Variants in CCN6 observed in about 807,000 individuals in gnomAD.
CCN6 encodes the protein CCN family member 6.
In CCN6, 31 loss-of-function variants were observed where a neutral mutation model predicts 37.4. The ratio of observed to expected loss-of-function variants is 0.83; its 90% CI spans 0.62 to 1.12. CCN6 has a LOEUF of 1.12. Among genes scored for constraint, CCN6 ranks in the 50% most tolerant of loss-of-function variants. CCN6 has a pLI of 0.00. For missense variants in CCN6, 369 were observed against 413.8 expected (o/e 0.89, Z 0.94); for synonymous variants, 137 against 142.1 (o/e 0.96, Z 0.26).
upstream of CCN6, among the ~76,000 whole-genome samples, chr6:112,053,762 G>A (rs587610090): frequency 1.3e-5 from 2 of 151,924 alleles, no homozygotes; most frequent in Admixed American, 1.3e-4. Flanking sequence ...GGCACTGTGG[G>A]TGCCTCCGAG....
rs1776624228 is a variant in CCN6 at position 112,064,684 on chromosome 6, G to A, written c.347-71G>A. 3.7e-6 allele frequency: 6 copies of A among 1,608,396 alleles called. No individual in the cohort carries two copies. In the East Asian group the frequency reaches 1.3e-4, roughly 36 times the overall value. The stretch of plus-strand genomic sequence containing the variant: ...CAGGAGATGATCCGTTTCTTCTTAG[G>A]TTTATAATTGGAGGTCTAGACTATC... On this transcript the variant is annotated intron_variant, in intron 2 of 4. Coordinates refer to ENST00000368666, the MANE Select transcript of CCN6 (RefSeq NM_198239.2).
At chr6:112,054,776 T>C (rs1776297254) in intron 1 of CCN6, 2 of 244,656 alleles carry the variant, frequency 8.2e-6, no homozygotes, top group Non-Finnish European at 1.6e-5. Context: ...TCCATTGCTG[T>C]TTGCAAAATG....
At chr6:112,068,474 G>A in intron 4 of CCN6, 76 bp downstream of exon 4, 1 of 1,316,274 alleles carries the variant, frequency 7.6e-7, no homozygotes, top group Non-Finnish European at 1.1e-6. Flanking sequence ...GTTTTGGAGG[G>A]TGGGATGGTG....
intron 4 of CCN6, among the ~76,000 whole-genome samples, chr6:112,069,023 A>C (rs1776788076): frequency 6.6e-6 from 1 of 152,202 alleles, no homozygotes; most frequent in South Asian, 2.1e-4. Context: ...GAATTTGCTA[A>C]GTCTTAGATA....
intron 1 of CCN6, 73 bp from the exon 2 acceptor site, chr6:112,060,918 G>A (rs1776494648): frequency 1.3e-6 from 2 of 1,577,166 alleles, no homozygotes; most frequent in East Asian, 2.2e-5. Flanking sequence ...CCTGTTTGGG[G>A]GAAATCTTCT....
At chr6:112,059,356 T>C (rs1016524123) in intron 1 of CCN6, among the ~76,000 whole-genome samples, 3 of 152,198 alleles carry the variant, frequency 2.0e-5, no homozygotes, top group Non-Finnish European at 4.4e-5. Context: ...AGGGCTAAAA[T>C]CAAGCGTTGG....
Position 112,054,203 on chromosome 6 carries a change from A to G in CCN6, c.-155A>G, listed in dbSNP as rs1776276014. The G allele has an allele frequency of 3.0e-6, 3 of 989,958 alleles. No homozygotes were observed. The highest frequency in any genetic ancestry group is 4.9e-6 in the Non-Finnish European group (3 of 610,224). 61.3% of individuals were successfully genotyped at this position (989,958 alleles called of 1,614,324 possible). On this transcript the variant is annotated 5_prime_UTR_variant, in exon 1 of 5. Transcript: ENST00000368666. ...AACGGATCCTTAAAAATGAAAGTGC[A>G]GGCTGAAAGTTGGTAGTGTGGGAGG...
rs115903198 is a variant in CCN6 at position 112,060,326 on chromosome 6, G to A, written c.49-665G>A. Among the ~76,000 whole-genome samples, 883 of 152,306 alleles carry A rather than the reference G, an allele frequency of 5.8e-3. 11 individuals are homozygous for A. The highest frequency in any genetic ancestry group is 0.02 in the African/African-American group (836 of 41,566). On this transcript the variant is annotated intron_variant, in intron 1 of 4. Coordinates refer to ENST00000368666, the MANE Select transcript of CCN6 (RefSeq NM_198239.2). ...TGTAATCATCCAAGTGAACAATGAT[G>A]ACTTGGATTATGATGGTAACAGAGA...
At chr6:112,058,420 T>C (rs1776411942) in intron 1 of CCN6, among the ~76,000 whole-genome samples, 1 of 152,214 alleles carries the variant, frequency 6.6e-6, no homozygotes, top group African/African-American at 2.4e-5. Flanking sequence ...CATTAAGAGT[T>C]ATTTACATAA....
chr6:112,063,009 C>A (rs370983754), intron 2 of CCN6, among the ~76,000 whole-genome samples: 1 of 151,978 alleles, frequency 6.6e-6, no homozygotes, highest in Admixed American at 6.6e-5. Context: ...ATAAGAATAA[C>A]GTTTTTATGA....
intron 3 of CCN6, chr6:112,067,181 T>A (rs973573750): frequency 5.7e-6 from 3 of 525,210 alleles, no homozygotes; most frequent in Non-Finnish European, 8.2e-6. Flanking sequence ...GGCTTTTTTT[T>A]TTTCTGGGTG....
In CCN6 at chr6:112,069,672, T is replaced by C. The variant is rs1554314836; in HGVS notation, c.*52T>C. ...TCAATCCTGTCATATAATAAAAAAA[T>C]TAGTGAGTATAAAATGGTGGCAAAT... is the stretch of plus-strand genomic sequence containing the variant. On this transcript the variant is annotated 3_prime_UTR_variant, in exon 5 of 5. Transcript: ENST00000368666. 1 of 1,600,330 alleles carries C rather than the reference T, an allele frequency of 6.2e-7. No homozygotes were observed. Among genetic ancestry groups the C allele is most frequent in the Admixed American group, 1.7e-5 (1 of 59,890 alleles).
intron 1 of CCN6, among the ~76,000 whole-genome samples, chr6:112,060,699 G>A (rs1404466029): frequency 1.2e-4 from 18 of 152,122 alleles, no homozygotes; most frequent in Admixed American, 1.2e-3. Flanking sequence ...ATGGGGCTCT[G>A]AGGTTTACAG....
At chr6:112,069,069 A>G (rs1302381997) in intron 4 of CCN6, among the ~76,000 whole-genome samples, 2 of 152,210 alleles carry the variant, frequency 1.3e-5, no homozygotes, top group East Asian at 3.8e-4. Flanking sequence ...ATATTAAACA[A>G]AACAGAAATT....
At chr6:112,059,245 C>T (rs782424192) in intron 1 of CCN6, among the ~76,000 whole-genome samples, 3 of 152,142 alleles carry the variant, frequency 2.0e-5, no homozygotes, top group Non-Finnish European at 4.4e-5. Context: ...ATGGAGTATA[C>T]AGTTTCCTAT....
intron 1 of CCN6, chr6:112,059,870 C>A: frequency 8.8e-7 from 1 of 1,137,860 alleles, no homozygotes. Flanking sequence ...AGAAAGTAAA[C>A]AACTGAAATG....
intron 3 of CCN6, among the ~76,000 whole-genome samples, chr6:112,066,665 TAA>T (rs1252789910): frequency 6.6e-6 from 1 of 152,224 alleles, no homozygotes; most frequent in Non-Finnish European, 1.5e-5. Flanking sequence ...ATTTGGCTTT[TAA>T]AATTAACCAT....
intron 2 of CCN6, 117 bp downstream of exon 2, chr6:112,061,405 GTTT>G (rs1562595580): frequency 1.5e-6 from 2 of 1,323,220 alleles, no homozygotes; most frequent in Non-Finnish European, 2.2e-6. Context: ...GGTGGGTTTA[GTTT>G]TCATGCACCA....
At chr6:112,055,028 T>C (rs1776305799) in intron 1 of CCN6, 1 of 155,296 alleles carries the variant, frequency 6.4e-6, no homozygotes, top group Admixed American at 6.2e-5. Context: ...ATTGCCTTAG[T>C]CTTTTTAAAT....
Sources: gnomAD v4.1 joint callset for allele counts (sites outside exome capture counted in the v4.1 genomes callset) on GRCh38, gnomAD v4.1.1 for gene constraint, MANE v1.5 for transcripts, NCBI Gene and HGNC (gene_info 2026-07-23, HGNC 2026-07-21) for gene names.